POU2F1: variants seen among roughly 807,000 people sequenced by gnomAD.
POU2F1 encodes the protein POU domain, class 2, transcription factor 1.
A neutral mutation model predicts 84.9 loss-of-function variants in POU2F1; 16 were observed. The ratio of observed to expected loss-of-function variants is 0.19; its 90% CI spans 0.13 to 0.29. POU2F1 has a LOEUF of 0.29. Among genes scored for constraint, POU2F1 ranks in the 10% least tolerant of loss-of-function variants. The probability of loss-of-function intolerance (pLI) is 1.00; values close to 1 mark genes in which losing one functional copy is unlikely to be tolerated. For missense variants in POU2F1, 738 were observed against 942.6 expected, an observed-to-expected ratio of 0.78 and a Z score of 2.84; for synonymous variants, 368 against 368.3, an observed-to-expected ratio of 1.00 and a Z score of 0.01.
At chr1:167,361,535 G>A (rs1166712660) in intron 2 of POU2F1, among the ~76,000 whole-genome samples, 3 of 152,092 alleles carry the variant, frequency 2.0e-5, no homozygotes, top group Non-Finnish European at 4.4e-5. Context: ...CTTGATCATG[G>A]GGAATTGACT....
chr1:167,414,621 C>T, intron 15 of POU2F1: 3 of 985,296 alleles, frequency 3.0e-6, no homozygotes, highest in Non-Finnish European at 3.6e-6. Flanking sequence ...TTGATGATGC[C>T]TTCTTTGGGG....
chr1:167,264,172 A>G (rs1429006440), intron 1 of POU2F1, among the ~76,000 whole-genome samples: 1 of 152,102 alleles, frequency 6.6e-6, no homozygotes, highest in Non-Finnish European at 1.5e-5. Flanking sequence ...AGTACAGCTA[A>G]TTTATAGTGG....
chr1:167,374,892 C>T (rs1038892945), intron 6 of POU2F1, among the ~76,000 whole-genome samples: 1 of 151,968 alleles, frequency 6.6e-6, no homozygotes, highest in Non-Finnish European at 1.5e-5. Context: ...ACGGTGAAAC[C>T]CCATCTCTAC....
chr1:167,303,071 G>GTA (rs1654827370), intron 1 of POU2F1, among the ~76,000 whole-genome samples: 2 of 151,688 alleles, frequency 1.3e-5, no homozygotes, highest in South Asian at 2.1e-4. Context: ...GTCTATCTAT[G>GTA]TATATATATA....
At chr1:167,235,441 G>C (rs1251545227) in intron 1 of POU2F1, among the ~76,000 whole-genome samples, 2 of 152,166 alleles carry the variant, frequency 1.3e-5, no homozygotes, top group Non-Finnish European at 2.9e-5. Context: ...GAGTGTTGCT[G>C]GAAAGTATGA....
rs1023406634 is a variant in POU2F1, at chr1:167,426,278, A to T, written c.*10468A>T. The T allele has an allele frequency of 6.6e-6, 1 of 152,160 alleles. No individual in the cohort carries two copies. Among genetic ancestry groups the T allele is most frequent in the Admixed American group, 6.5e-5 (1 of 15,280 alleles). 9.4% of individuals were successfully genotyped at this position (152,160 alleles called of 1,614,324 possible). ...TTTAACTTCTTGTTTGTTTCAGTGT[A>T]ATGCTCTTAAAGTCATAGCATGAAA... On this transcript the variant is annotated 3_prime_UTR_variant, in exon 16 of 16. Coordinates refer to ENST00000367866, the MANE Select transcript of POU2F1 (RefSeq NM_002697.4).
chr1:167,400,862 T>C (rs1196102146), intron 12 of POU2F1, among the ~76,000 whole-genome samples: 1 of 152,216 alleles, frequency 6.6e-6, no homozygotes, highest in East Asian at 1.9e-4. Context: ...AAGGTTGTAG[T>C]TGTTAAATGG....
At chr1:167,375,898 G>T in intron 6 of POU2F1, 131 bp from the exon 7 acceptor site, 1 of 1,144,946 alleles carries the variant, frequency 8.7e-7, no homozygotes, top group South Asian at 1.5e-5. Context: ...ACCCTGTTTG[G>T]AATATGAAAG....
chr1:167,377,584 CTAAAAAATAAAAAAAT>C (rs1167238311), intron 7 of POU2F1, among the ~76,000 whole-genome samples: 1 of 152,058 alleles, frequency 6.6e-6, no homozygotes, highest in Non-Finnish European at 1.5e-5. Flanking sequence ...GAGACTCCGT[CTAAAAAATAAAAAAAT>C]TAAAAAATCA....
intron 15 of POU2F1, 52 bp downstream of exon 15, chr1:167,413,166 T>TGTGTGTGTGA (rs780305391): frequency 1.5e-5 from 2 of 132,522 alleles, no homozygotes; most frequent in South Asian, 2.5e-4. Context: ...TGTGTGAGTG[T>TGTGTGTGTGA]GTGTGTGTGT....
At chr1:167,259,757 C>G (rs1005055414) in intron 1 of POU2F1, among the ~76,000 whole-genome samples, 1 of 152,044 alleles carries the variant, frequency 6.6e-6, no homozygotes, top group Admixed American at 6.6e-5. Flanking sequence ...CACATCTTTG[C>G]CAAGATAGTG....
chr1:167,245,096 G>A (rs1207320386), intron 1 of POU2F1, among the ~76,000 whole-genome samples: 2 of 152,038 alleles, frequency 1.3e-5, no homozygotes, highest in Non-Finnish European at 2.9e-5. Context: ...AAAAAAATCC[G>A]TGCCCTTCAG....
intron 1 of POU2F1, among the ~76,000 whole-genome samples, chr1:167,223,737 A>C (rs1168034987): frequency 6.6e-6 from 1 of 152,184 alleles, no homozygotes; most frequent in Non-Finnish European, 1.5e-5. Flanking sequence ...AGGAAAAAAA[A>C]AAATCTGTAG....
chr1:167,281,549 A>G (rs985379425), intron 1 of POU2F1, among the ~76,000 whole-genome samples: 1 of 152,236 alleles, frequency 6.6e-6, no homozygotes, highest in African/African-American at 2.4e-5. Context: ...AAAGTGATGT[A>G]TAGAAAATGG....
chr1:167,316,609 TAATG>T (rs1298336446), intron 1 of POU2F1, among the ~76,000 whole-genome samples: 1 of 152,206 alleles, frequency 6.6e-6, no homozygotes, highest in Non-Finnish European at 1.5e-5. Flanking sequence ...ATAATTAACT[TAATG>T]AGGAGGAATG....
At chr1:167,336,401 ATCTC>A (rs1463897878) in intron 2 of POU2F1, among the ~76,000 whole-genome samples, 8 of 152,322 alleles carry the variant, frequency 5.3e-5, no homozygotes, top group Admixed American at 2.0e-4. Flanking sequence ...GTAAAAAGTG[ATCTC>A]TCTATGTCCT....
chr1:167,297,880 G>C (rs1029612391), intron 1 of POU2F1, among the ~76,000 whole-genome samples: 2 of 152,116 alleles, frequency 1.3e-5, no homozygotes, highest in Non-Finnish European at 1.5e-5. Context: ...AGTAGAGCAA[G>C]AGGCCAAGGT....
At chr1:167,396,781 T>G (rs923467500) in intron 10 of POU2F1, 1 of 166,530 alleles carries the variant, frequency 6.0e-6, no homozygotes, top group African/African-American at 2.4e-5. Context: ...GTTTCTTCCT[T>G]GATGAATTAT....
intron 3 of POU2F1, 77 bp from the exon 4 acceptor site, chr1:167,370,084 G>A: frequency 8.0e-7 from 1 of 1,252,494 alleles, no homozygotes; most frequent in South Asian, 1.5e-5. Context: ...ACACATAGTA[G>A]ACTTTATTTA....
Sources: allele counts gnomAD v4.1 joint callset (sites outside exome capture counted in the v4.1 genomes callset), GRCh38; gene constraint gnomAD v4.1.1; transcripts MANE v1.5; gene names NCBI Gene and HGNC (gene_info 2026-07-23, HGNC 2026-07-21).